The following OPRM1 variants were observed in gnomAD, a reference collection of about 807,000 sequenced individuals.
OPRM1 encodes the protein mu-type opioid receptor.
In OPRM1, 27 loss-of-function variants were observed where a neutral mutation model predicts 31.8. The observed-to-expected ratio is 0.85, with a 90% CI of 0.63 to 1.17. The LOEUF (loss-of-function observed/expected upper bound fraction) is 1.17. Among genes scored for constraint, OPRM1 ranks in the 50% most tolerant of loss-of-function variants. The pLI is 0.00. For synonymous variants in OPRM1, 196 were observed against 189.9 expected (o/e 1.03, Z -0.26); for missense variants, 536 against 511.1 (o/e 1.05, Z -0.47).
chr6:154,181,245 T>C (rs1224599194), intron 3 of OPRM1, among the ~76,000 whole-genome samples: 1 of 152,226 alleles, frequency 6.6e-6, no homozygotes. Flanking sequence ...AACATTGGCA[T>C]AGTATAATTT....
At chr6:154,195,438 T>C (rs749619366) in intron 3 of OPRM1, among the ~76,000 whole-genome samples, 1 of 152,092 alleles carries the variant, frequency 6.6e-6, no homozygotes, top group Non-Finnish European at 1.5e-5. Flanking sequence ...TGAGCCACCG[T>C]GCCTGGCCCA....
At chr6:154,221,209 TAAGTA>T (rs1431953233) in intron 3 of OPRM1, 1 of 1,359,082 alleles carries the variant, frequency 7.4e-7, no homozygotes. Flanking sequence ...AGGCTAAAGT[TAAGTA>T]TATTCCCATT....
intron 3 of OPRM1, among the ~76,000 whole-genome samples, chr6:154,186,394 T>A (rs947796646): frequency 6.6e-6 from 1 of 152,228 alleles, no homozygotes; most frequent in African/African-American, 2.4e-5. Context: ...TTTTAAAATA[T>A]ACACAGCATC....
At chr6:154,022,126 C>G (rs1034250970) in intron 1 of OPRM1, among the ~76,000 whole-genome samples, 1 of 152,182 alleles carries the variant, frequency 6.6e-6, no homozygotes, top group Non-Finnish European at 1.5e-5. Flanking sequence ...TGTACATGTT[C>G]TTTATCAACT....
chr6:154,106,145 A>C (rs1474531920), intron 3 of OPRM1, among the ~76,000 whole-genome samples: 9 of 152,222 alleles, frequency 5.9e-5, no homozygotes, highest in African/African-American at 2.2e-4. Flanking sequence ...TACTTAAAAC[A>C]ATCCTTTAAC....
At chr6:154,025,369 C>T (rs1426317775) in intron 1 of OPRM1, among the ~76,000 whole-genome samples, 1 of 151,960 alleles carries the variant, frequency 6.6e-6, no homozygotes, top group Admixed American at 6.6e-5. Flanking sequence ...TTTCCATTGA[C>T]ATGGAATATC....
At chr6:154,094,335 A>G (rs749197262) in intron 3 of OPRM1, 4 of 680,664 alleles carry the variant, frequency 5.9e-6, no homozygotes, top group Non-Finnish European at 9.2e-6. Context: ...TGATAAGCCA[A>G]TGAGAAAATT....
At chr6:154,105,745 A>G (rs1270661503) in intron 3 of OPRM1, among the ~76,000 whole-genome samples, 1 of 152,228 alleles carries the variant, frequency 6.6e-6, no homozygotes, top group Non-Finnish European at 1.5e-5. Context: ...TACCAGTAAC[A>G]CATTTATGCA....
intron 1 of OPRM1, among the ~76,000 whole-genome samples, chr6:154,075,746 G>C (rs1160856514): frequency 3.3e-5 from 5 of 152,194 alleles, no homozygotes; most frequent in Non-Finnish European, 2.9e-5. Context: ...CAGAGGGCTT[G>C]AAGACTTGGA....
chr6:154,013,935 T>C (rs550978823), intron 1 of OPRM1, among the ~76,000 whole-genome samples: 2 of 152,076 alleles, frequency 1.3e-5, no homozygotes, highest in African/African-American at 2.4e-5. Context: ...ATATTGTTGA[T>C]CCTAGAGTCA....
exon 1 of OPRM1, chr6:154,010,821 G>A: frequency 7.2e-7 from 1 of 1,385,304 alleles, no homozygotes; most frequent in Non-Finnish European, 9.4e-7. Flanking sequence ...GATAGAAAAG[G>A]GCTCCTGCTT....
chr6:154,106,435 G>A (rs1202913102), intron 3 of OPRM1, among the ~76,000 whole-genome samples: 3 of 152,168 alleles, frequency 2.0e-5, no homozygotes, highest in Non-Finnish European at 2.9e-5. Flanking sequence ...GACTAACTCC[G>A]CATGTCCCCA....
chr6:154,070,855 A>G (rs182444849), intron 1 of OPRM1, among the ~76,000 whole-genome samples: 99 of 152,350 alleles, frequency 6.5e-4, no homozygotes, highest in Non-Finnish European at 1.3e-3. Context: ...ATTTTAATGG[A>G]GCCAACTTTG....
chr6:154,054,655 G>A (rs1009466146), intron 1 of OPRM1, among the ~76,000 whole-genome samples: 1 of 152,198 alleles, frequency 6.6e-6, no homozygotes, highest in Non-Finnish European at 1.5e-5. Flanking sequence ...GCAGAAAAGC[G>A]AAAGCTCAGG....
At chr6:154,060,535 T>C (rs1238411443) in intron 1 of OPRM1, among the ~76,000 whole-genome samples, 1 of 152,214 alleles carries the variant, frequency 6.6e-6, no homozygotes, top group Non-Finnish European at 1.5e-5. Context: ...TTCTTTGTCT[T>C]AGAAACAGAT....
At chr6:154,047,474 C>T (rs1007942986) in intron 1 of OPRM1, among the ~76,000 whole-genome samples, 2 of 152,066 alleles carry the variant, frequency 1.3e-5, no homozygotes, top group Non-Finnish European at 2.9e-5. Context: ...CTCTGTCTCT[C>T]ATTCTCTGTT....
intron 3 of OPRM1, chr6:154,199,797 T>A (rs200161512): frequency 6.2e-7 from 1 of 1,614,202 alleles, no homozygotes; most frequent in African/African-American, 1.3e-5. Context: ...ACAAAACTGT[T>A]TTCCAGGGCC....
In OPRM1 at chr6:154,120,679, A is replaced by G. The variant is rs1458924419; in HGVS notation, c.*1958A>G. ...TGTAAATAACTGAGGAGGAAAATCCATGCTTTTCATGGGCTAGGATGGTTT... is the reference window on the plus strand; with the variant it reads ...TGTAAATAACTGAGGAGGAAAATCCGTGCTTTTCATGGGCTAGGATGGTTT... On this transcript the variant is annotated 3_prime_UTR_variant, in exon 4 of 4. Coordinates refer to ENST00000330432, the MANE Select transcript of OPRM1 (RefSeq NM_000914.5). Among the ~76,000 whole-genome samples, 1 of 152,192 alleles carries G rather than the reference A, an allele frequency of 6.6e-6. No individual in the cohort carries two copies. The highest frequency in any genetic ancestry group is 1.5e-5 in the Non-Finnish European group (1 of 68,016).
chr6:154,180,414 A>ATATATATATATATATTTTTTT (rs1241250621), intron 3 of OPRM1, among the ~76,000 whole-genome samples: 4 of 65,262 alleles, frequency 6.1e-5, no homozygotes, highest in African/African-American at 1.4e-4. Context: ...ATATATATAT[A>ATATATATATATATATTTTTTT]TTTTTTTTTT....
Sources: gnomAD v4.1 joint callset for allele counts (sites outside exome capture counted in the v4.1 genomes callset) on GRCh38, gnomAD v4.1.1 for gene constraint, MANE v1.5 for transcripts, NCBI Gene and HGNC (gene_info 2026-07-23, HGNC 2026-07-21) for gene names.